Variants in TRIO observed in about 807,000 individuals in gnomAD.
TRIO encodes trio Rho guanine nucleotide exchange factor.
In TRIO, 58 loss-of-function variants were observed where a neutral mutation model predicts 351.9. That is an observed-to-expected ratio of 0.16 (90% CI 0.13 to 0.21). TRIO has a LOEUF of 0.21. TRIO is among the 10% of genes least tolerant of loss of function. The pLI, the probability that TRIO is intolerant of heterozygous loss-of-function variation, is 1.00. For missense variants in TRIO, 3,201 were observed against 4,027.8 expected, an observed-to-expected ratio of 0.79 and a Z score of 5.56; for synonymous variants, 1,758 against 1,595.7, an observed-to-expected ratio of 1.10 and a Z score of -2.42.
In TRIO at chr5:14,356,222, G is replaced by A. The variant is rs376162020; in HGVS notation, c.2047-1956G>A. On this transcript the variant is annotated intron_variant, in intron 11 of 56. Coordinates refer to ENST00000344204, the MANE Select transcript of TRIO (RefSeq NM_007118.4). ...ATTTTATGTATGTAAATATTGCTCA[G>A]TGAACAAATTGTAGTATGGAATTGA... Among the ~76,000 whole-genome samples the A allele has an allele frequency of 3.9e-5, 6 of 152,298 alleles. No homozygotes were observed. The South Asian group carries it at 1.2e-3, about 32-fold the overall frequency.
chr5:14,460,854 T>C (rs151101438), intron 34 of TRIO, among the ~76,000 whole-genome samples, 165 bp from the exon 35 acceptor site: 281 of 152,106 alleles, frequency 1.8e-3, no homozygotes, highest in African/African-American at 6.3e-3. Context: ...GAGAAGAGAG[T>C]GCGTGTAAAG....
At chr5:14,317,534 G>A (rs1214935687) in intron 9 of TRIO, among the ~76,000 whole-genome samples, 1 of 152,180 alleles carries the variant, frequency 6.6e-6, no homozygotes, top group Non-Finnish European at 1.5e-5. Flanking sequence ...CAGGATCTCA[G>A]GTTTCCATCT....
chr5:14,364,929 A>G, intron 15 of TRIO, 113 bp downstream of exon 15: 1 of 1,328,490 alleles, frequency 7.5e-7, no homozygotes, highest in South Asian at 1.5e-5. Flanking sequence ...TGCTCAGAAC[A>G]CAGCTTTCCT....
chr5:14,342,389 C>G (rs1242879424), intron 11 of TRIO, among the ~76,000 whole-genome samples: 5 of 152,212 alleles, frequency 3.3e-5, no homozygotes, highest in Admixed American at 6.5e-5. Context: ...AACAGGAAAA[C>G]TGACTAAAGG....
intron 41 of TRIO, among the ~76,000 whole-genome samples, chr5:14,479,032 G>A (rs1755317813): frequency 6.6e-6 from 1 of 152,134 alleles, no homozygotes; most frequent in African/African-American, 2.4e-5. Flanking sequence ...ACTGTAAAGT[G>A]AAGGGTTTGG....
chr5:14,387,567 C>A lies in TRIO; in HGVS notation c.3700C>A (p.Arg1234=). Residue 1234 remains arginine, a synonymous_variant, in exon 22 of 57, where the codon CGG becomes AGG. Coordinates refer to ENST00000344204, the MANE Select transcript of TRIO (RefSeq NM_007118.4). The part of the protein sequence containing the change: ...VDKRYRDFSL[R]MEKYRTSLEK... ...TAAGAGGTACAGAGATTTCTCTCTG[C>A]GGATGGAGAAGTACAGGACCTCTTT... The A allele has an allele frequency of 6.2e-7, 1 of 1,614,144 alleles. No homozygotes were observed.
intron 3 of TRIO, among the ~76,000 whole-genome samples, chr5:14,283,232 C>A (rs377233963): frequency 1.3e-5 from 2 of 152,194 alleles, no homozygotes; most frequent in Non-Finnish European, 2.9e-5. Flanking sequence ...TTCTACCCAG[C>A]TGTACATTTG....
intron 54 of TRIO, 42 bp downstream of exon 54, chr5:14,502,699 G>C (rs60886761): frequency 1.3e-6 from 2 of 1,588,448 alleles, no homozygotes; most frequent in Non-Finnish European, 1.7e-6. Context: ...AGAGCAGAGC[G>C]TGGGGAAGAC....
rs199551032 is a variant in TRIO, at chr5:14,394,134, T to A, written c.4311+4T>A. The A allele has an allele frequency of 1.3e-6, 2 of 1,581,024 alleles. No homozygotes were observed. The highest frequency in any genetic ancestry group is 1.7e-6 in the Non-Finnish European group (2 of 1,152,598). On this transcript the variant is annotated splice_donor_region_variant and intron_variant, in intron 28 of 56. Transcript: ENST00000344204. ...GAAGTATCAGCTCCTTTTAAAAGTA[T>A]GTATAATGCGTCTTCAGCCTGTGAA...
intron 8 of TRIO, among the ~76,000 whole-genome samples, chr5:14,311,682 A>G (rs1236029735): frequency 6.6e-6 from 1 of 152,230 alleles, no homozygotes; most frequent in African/African-American, 2.4e-5. Context: ...TGATATGAGA[A>G]TAAGTTCAGC....
chr5:14,425,772 G>A (rs747725313), intron 34 of TRIO, among the ~76,000 whole-genome samples: 15 of 152,154 alleles, frequency 9.9e-5, no homozygotes, highest in Non-Finnish European at 1.5e-4. Context: ...TTGTCCTTCC[G>A]CCATGTGAGG....
intron 11 of TRIO, among the ~76,000 whole-genome samples, chr5:14,349,613 G>A (rs1346161491): frequency 1.3e-5 from 2 of 152,194 alleles, no homozygotes; most frequent in Admixed American, 1.3e-4. Context: ...TACAAGATGA[G>A]CCCTTGAAGA....
intron 1 of TRIO, among the ~76,000 whole-genome samples, chr5:14,147,411 A>G (rs745465159): frequency 9.2e-5 from 14 of 152,204 alleles, no homozygotes; most frequent in Non-Finnish European, 1.8e-4. Flanking sequence ...TCTCGTGGCA[A>G]TAAATCATTC....
chr5:14,363,854 G>C lies in TRIO; in HGVS notation c.2514G>C (p.Met838Ile). ...ACCATGCAGACAAAGCCTTGACCAT[G>C]AACAACTTGACTTTTGACGTCATCC... ...LQHHADKALT[M>I]NNLTFDVIHQ... The change falls in exon 14 of 57, where the codon ATG becomes ATC. Residue 838 changes from methionine to isoleucine, a missense_variant. By Grantham distance (10) the Met-to-Ile change is conservative. Coordinates refer to ENST00000344204, the MANE Select transcript of TRIO (RefSeq NM_007118.4). 1 of 1,614,168 alleles carries C rather than the reference G, an allele frequency of 6.2e-7. No homozygotes were observed. Among genetic ancestry groups the C allele is most frequent in the Non-Finnish European group, 8.5e-7 (1 of 1,180,038 alleles).
chr5:14,460,871 C>A, intron 34 of TRIO, 148 bp from the exon 35 acceptor site: 2 of 842,178 alleles, frequency 2.4e-6, no homozygotes, highest in Non-Finnish European at 3.6e-6. Flanking sequence ...AAAGCATCAG[C>A]CCCTGTCATC....
chr5:14,487,595 G>C lies in TRIO; in HGVS notation c.6967G>C (p.Gly2323Arg), dbSNP rs1579802193. The stretch of plus-strand genomic sequence containing the variant: ...CAGTGGCGGCAGCGGCCACAGTGGC[G>C]GCCCCAGCAGCTGCGGCGGCGCCCC... ...APSGGSGHSG[G>R]PSSCGGAPST... Residue 2323 changes from glycine (G) to arginine (R), a missense_variant, in exon 48 of 57, where the codon GGC (glycine) becomes CGC (arginine). Physicochemically the swap from Gly to Arg is moderately radical, Grantham distance 125. Transcript: ENST00000344204. 1.7e-6 allele frequency: 2 copies of C among 1,158,846 alleles called. No individual in the cohort carries two copies. Among genetic ancestry groups the C allele is most frequent in the East Asian group, 4.3e-5 (1 of 22,996 alleles). 71.8% of individuals were successfully genotyped at this position (1,158,846 alleles called of 1,614,324 possible).
intron 18 of TRIO, among the ~76,000 whole-genome samples, chr5:14,373,117 C>T (rs541087859): frequency 4.0e-4 from 61 of 152,256 alleles, no homozygotes; most frequent in African/African-American, 1.4e-3. Flanking sequence ...AGTTGCTGCA[C>T]GAGAACAGCA....
chr5:14,199,205 A>AAAC (rs1790949410), intron 1 of TRIO, among the ~76,000 whole-genome samples: 1 of 150,936 alleles, frequency 6.6e-6, no homozygotes, highest in East Asian at 1.9e-4. Context: ...CAAAAAAAAA[A>AAAC]AAAAAAAAAA....
intron 1 of TRIO, among the ~76,000 whole-genome samples, chr5:14,182,381 T>C (rs987589863): frequency 3.3e-5 from 5 of 152,264 alleles, no homozygotes; most frequent in African/African-American, 1.2e-4. Context: ...GAGATGCTTC[T>C]ACCTTGGGAC....
Sources: gnomAD v4.1 joint callset for allele counts (sites outside exome capture counted in the v4.1 genomes callset) on GRCh38, gnomAD v4.1.1 for gene constraint, MANE v1.5 for transcripts, NCBI Gene and HGNC (gene_info 2026-07-23, HGNC 2026-07-21) for gene names.